The following GMNC variants were observed in gnomAD, a reference collection of about 807,000 sequenced individuals.
The protein encoded by GMNC is geminin coiled-coil domain containing.
GMNC carries 16 observed loss-of-function variants against 33.6 expected under a neutral mutation model. That is an observed-to-expected ratio of 0.48 (90% CI 0.32 to 0.72). The LOEUF (loss-of-function observed/expected upper bound fraction) is 0.72. Ranked by LOEUF, GMNC falls within the 30% of genes least tolerant of loss-of-function variation. The pLI, the probability that GMNC is intolerant of heterozygous loss-of-function variation, is 0.03. For synonymous variants in GMNC, 156 were observed against 147.3 expected (o/e 1.06, Z -0.43); for missense variants, 393 against 388.9 (o/e 1.01, Z -0.09).
At chr3:190,850,433 G>A (rs9873401), downstream of GMNC, among the ~76,000 whole-genome samples, 3,574 of 152,262 alleles carry the variant, frequency 0.023, 143 homozygotes, top group African/African-American at 0.082. Flanking sequence ...GAAGCCTGCC[G>A]TTTCCCGACT....
Position 190,855,360 on chromosome 3 carries a change from G to T in GMNC, c.940C>A (p.Gln314Lys). 3.9e-6 allele frequency: 6 copies of T among 1,551,890 alleles called. No homozygotes were observed. Among genetic ancestry groups the T allele is most frequent in the Non-Finnish European group, 4.4e-6 (5 of 1,146,918 alleles). The change falls in exon 5 of 5, where the codon CAA (glutamine) becomes AAA (lysine). Residue 314 changes from glutamine (Q) to lysine (K), a missense_variant. Gln to Lys is a moderately conservative substitution (Grantham distance 53, BLOSUM62 1). Coordinates refer to ENST00000442080, the MANE Select transcript of GMNC (RefSeq NM_001146686.3). The part of the protein sequence containing the change: ...NVKTHSFHQG[Q>K]AFVRRDEEGG... ...TCCTCATCTCGACGCACAAAGGCTT[G>T]TCCCTGGTGGAAGGAATGAGTTTTC...
Position 190,857,847 on chromosome 3 carries a change from T to G in GMNC, c.320A>C (p.Glu107Ala). ...KEEELARLHE[E>A]NNHLRQYLNS... The stretch of plus-strand genomic sequence containing the variant: ...CAGGTATTGTCTGAGGTGATTATTC[T>G]CTTCGTGTAACCTGGCGAGTTCTTC... Residue 107 changes from glutamate to alanine, a missense_variant, in exon 4 of 5, where the codon GAG becomes GCG. Glu to Ala is a moderately radical substitution (Grantham distance 107). Transcript: ENST00000442080. 1 of 1,551,318 alleles carries G rather than the reference T, an allele frequency of 6.4e-7. No individual in the cohort carries two copies. Among genetic ancestry groups the G allele is most frequent in the Non-Finnish European group, 8.7e-7 (1 of 1,146,582 alleles).
At position 190,862,420 on chromosome 3, in the gene GMNC, A is replaced by AG. The variant is rs1737893584; in HGVS notation, c.3+192_3+193insC. 6.8e-6 allele frequency among the ~76,000 whole-genome samples: 1 copy of AG among 147,822 alleles called. No individual in the cohort carries two copies. Among genetic ancestry groups the AG allele is most frequent in the African/African-American group, 2.5e-5 (1 of 40,196 alleles). On this transcript the variant is annotated intron_variant, in intron 1 of 4. Coordinates refer to ENST00000442080, the MANE Select transcript of GMNC (RefSeq NM_001146686.3). This position sits in a 1 kb window ranked among gnomAD's most constrained non-coding sequence, Gnocchi z 4.5. ...GAAAGAAGAGGGAGAGAGGGAGAGAAAGAGAGAGAGAGAGAGAGAAAGCAG... is the reference window on the plus strand; with the variant it reads ...GAAAGAAGAGGGAGAGAGGGAGAGAAGAGAGAGAGAGAGAGAGAGAAAGCAG...
chr3:190,854,447 T>C lies in GMNC; in HGVS notation c.*848A>G, dbSNP rs964067379. The C allele has an allele frequency of 2.0e-5, 3 of 152,094 alleles. No individual in the cohort carries two copies. The highest frequency in any genetic ancestry group is 7.2e-5 in the African/African-American group (3 of 41,404). 9.4% of individuals were successfully genotyped at this position (152,094 alleles called of 1,614,324 possible). On this transcript the variant is annotated 3_prime_UTR_variant, in exon 5 of 5. Transcript: ENST00000442080. Reference sequence around the variant, plus strand: ...GCGAATGAATGAATGAATGAGACAATGGCTGAGCTAGGTTAGTCTATTTTC... The same window carrying C: ...GCGAATGAATGAATGAATGAGACAACGGCTGAGCTAGGTTAGTCTATTTTC...
chr3:190,858,641 G>A (rs1737797436), intron 3 of GMNC, among the ~76,000 whole-genome samples: 1 of 152,216 alleles, frequency 6.6e-6, no homozygotes, highest in African/African-American at 2.4e-5. Context: ...GAGATAGGCA[G>A]TACAAGGTTT....
downstream of GMNC, among the ~76,000 whole-genome samples, chr3:190,850,083 CT>C (rs1287140123): frequency 7.9e-5 from 12 of 152,196 alleles, no homozygotes; most frequent in African/African-American, 2.9e-4. Flanking sequence ...TTCCATCCTA[CT>C]CTACTCATCC....
At chr3:190,857,683 T>A (rs762998597) in intron 4 of GMNC, 100 bp downstream of exon 4, 6 of 632,298 alleles carry the variant, frequency 9.5e-6, no homozygotes, top group Non-Finnish European at 1.7e-5. Context: ...TATAAATGCA[T>A]ATCAAGATAC....
At chr3:190,858,696 G>A (rs760811885) in intron 3 of GMNC, among the ~76,000 whole-genome samples, 6 of 152,148 alleles carry the variant, frequency 3.9e-5, no homozygotes, top group Admixed American at 3.9e-4. Flanking sequence ...AAGGTCATAC[G>A]GCTAAAATGT....
rs563207896 is a variant in GMNC, at chr3:190,854,941, TA to T, written c.*353del. On this transcript the variant is annotated 3_prime_UTR_variant, in exon 5 of 5. Transcript: ENST00000442080. ...AAGGGCTGTGAATATTTCAACTACT[TA>T]AAAGAGGAAAATCTGTTAAACTGGT... 64 of 205,066 alleles carry T rather than the reference TA, an allele frequency of 3.1e-4. No individual in the cohort carries two copies. In the East Asian group the frequency reaches 6.2e-3, roughly 20 times the overall value. The allele number at this position is 205,066 out of a possible 1,614,324, so 12.7% of individuals were successfully genotyped here.
rs190505461 is a variant in GMNC at position 190,856,011 on chromosome 3, G to A, written c.385-96C>T. 777 of 896,330 alleles carry A rather than the reference G, an allele frequency of 8.7e-4. 2 individuals are homozygous for A. The highest frequency in any genetic ancestry group is 2.2e-3 in the Admixed American group (76 of 34,508). 55.5% of individuals were successfully genotyped at this position (896,330 alleles called of 1,614,324 possible). ...AATGCTTAAATTTCTCTTCACACAA[G>A]TAAGATGGATTGGATTAGCTTGTTT... On this transcript the variant is annotated intron_variant, in intron 4 of 4. Coordinates refer to ENST00000442080, the MANE Select transcript of GMNC (RefSeq NM_001146686.3).
chr3:190,845,813 C>T, the GMNC span, among the ~76,000 whole-genome samples: 2 of 152,128 alleles, frequency 1.3e-5, no homozygotes, highest in Admixed American at 1.3e-4. Context: ...GGCCTCAAAA[C>T]TCTTAAAAGT....
chr3:190,858,826 T>C, intron 3 of GMNC, 102 bp downstream of exon 3: 1 of 654,404 alleles, frequency 1.5e-6, no homozygotes, highest in South Asian at 2.1e-5. Flanking sequence ...GGTTCTAAAC[T>C]GAGTCAGCAT....
chr3:190,854,528 C>T lies in GMNC; in HGVS notation c.*767G>A, dbSNP rs141902784. 3 of 152,230 alleles carry T rather than the reference C, an allele frequency of 2.0e-5. No individual in the cohort carries two copies. The East Asian group carries it at 5.8e-4, about 29-fold the overall frequency. 9.4% of individuals were successfully genotyped at this position (152,230 alleles called of 1,614,324 possible). On this transcript the variant is annotated 3_prime_UTR_variant, in exon 5 of 5. Coordinates refer to ENST00000442080, the MANE Select transcript of GMNC (RefSeq NM_001146686.3). ...TTGCAGATGATGACTAGTTTTGTTA[C>T]CACAGTCCCTCAAAATGTTCTTCTT... is the stretch of plus-strand genomic sequence containing the variant.
intron 4 of GMNC, 140 bp downstream of exon 4, chr3:190,857,643 C>T (rs193103620): frequency 4.2e-5 from 23 of 551,410 alleles, no homozygotes; most frequent in East Asian, 3.7e-4. Context: ...GTGAAAGAGC[C>T]GTTATTTCCT....
downstream of GMNC, among the ~76,000 whole-genome samples, chr3:190,851,579 T>C (rs560735067): frequency 7.2e-5 from 11 of 152,214 alleles, no homozygotes; most frequent in Non-Finnish European, 1.6e-4. Context: ...ATTTCATCCT[T>C]ATATCCTCAG....
intron 1 of GMNC, 120 bp from the exon 2 acceptor site, chr3:190,860,978 A>G (rs1486009400): frequency 4.4e-6 from 3 of 680,090 alleles, no homozygotes; most frequent in South Asian, 4.5e-5. Flanking sequence ...AAGAAAAAAA[A>G]TCAGAAAAGG....
chr3:190,860,316 G>T (rs1216956260), intron 2 of GMNC, among the ~76,000 whole-genome samples: 1 of 152,100 alleles, frequency 6.6e-6, no homozygotes, highest in Non-Finnish European at 1.5e-5. Flanking sequence ...CTCAAACTCA[G>T]GGAAACTTTC....
the GMNC span, among the ~76,000 whole-genome samples, chr3:190,844,920 G>A: frequency 6.6e-6 from 1 of 152,108 alleles, no homozygotes; most frequent in Non-Finnish European, 1.5e-5. Context: ...CAATATGTAG[G>A]AGATTCTCTT....
chr3:190,856,111 G>C (rs957111644), intron 4 of GMNC, among the ~76,000 whole-genome samples, 196 bp from the exon 5 acceptor site: 1 of 151,352 alleles, frequency 6.6e-6, no homozygotes, highest in East Asian at 1.9e-4. Flanking sequence ...TGTTTTAAAT[G>C]TTGAAAGGAC....
Sources: allele counts gnomAD v4.1 joint callset (sites outside exome capture counted in the v4.1 genomes callset), GRCh38; gene constraint gnomAD v4.1.1; non-coding constraint Gnocchi (gnomAD v3.1); transcripts MANE v1.5; gene names NCBI Gene and HGNC (gene_info 2026-07-23, HGNC 2026-07-21).